AP3B1: variants seen among roughly 807,000 people sequenced by gnomAD.
AP3B1 encodes the protein adaptor related protein complex 3 subunit beta 1, also known as AP-3 complex subunit beta-1.
In AP3B1, 61 loss-of-function variants were observed where a neutral mutation model predicts 132.5. The ratio of observed to expected loss-of-function variants is 0.46; its 90% confidence interval spans 0.37 to 0.57. The LOEUF (loss-of-function observed/expected upper bound fraction) is 0.57. Among genes scored for constraint, AP3B1 ranks in the 20% least tolerant of loss-of-function variants. The pLI is 0.00. For missense variants in AP3B1, 1,120 were observed against 1,289.4 expected, an observed-to-expected ratio of 0.87 and a Z score of 2.01; for synonymous variants, 388 against 438.3, an observed-to-expected ratio of 0.89 and a Z score of 1.43.
intron 14 of AP3B1, among the ~76,000 whole-genome samples, chr5:78,142,383 T>C (rs1196473534): frequency 6.6e-6 from 1 of 152,206 alleles, no homozygotes; most frequent in Non-Finnish European, 1.5e-5. Flanking sequence ...AGAAAATTTG[T>C]TTTTTATAAT....
intron 2 of AP3B1, among the ~76,000 whole-genome samples, chr5:78,243,005 T>C (rs1331126983): frequency 6.6e-6 from 1 of 152,236 alleles, no homozygotes; most frequent in Non-Finnish European, 1.5e-5. Flanking sequence ...TATGTGATAC[T>C]TGAAGCATTA....
At chr5:78,112,267 C>T (rs1299121614) in intron 19 of AP3B1, among the ~76,000 whole-genome samples, 1 of 152,004 alleles carries the variant, frequency 6.6e-6, no homozygotes, top group Non-Finnish European at 1.5e-5. Context: ...CATCTCAGAG[C>T]ACATGTAATT....
At chr5:78,249,292 G>T (rs1031587752) in intron 2 of AP3B1, among the ~76,000 whole-genome samples, 1 of 152,172 alleles carries the variant, frequency 6.6e-6, no homozygotes, top group Non-Finnish European at 1.5e-5. Flanking sequence ...TTGAACCCCA[G>T]GGGCAGAGGT....
intron 23 of AP3B1, among the ~76,000 whole-genome samples, chr5:78,038,124 C>CTCAT (rs1230356486): frequency 3.9e-5 from 6 of 152,182 alleles, no homozygotes; most frequent in African/African-American, 1.4e-4. Flanking sequence ...CAGCAACCCA[C>CTCAT]TCATTGGTTG....
chr5:78,145,112 A>C (rs1434457609), intron 14 of AP3B1, among the ~76,000 whole-genome samples: 2 of 152,252 alleles, frequency 1.3e-5, no homozygotes, highest in Non-Finnish European at 2.9e-5. Context: ...TGTATTACAG[A>C]CATAAATCTA....
chr5:78,081,745 T>C (rs894354416), intron 22 of AP3B1, among the ~76,000 whole-genome samples: 7 of 152,202 alleles, frequency 4.6e-5, no homozygotes, highest in Non-Finnish European at 1.0e-4. Flanking sequence ...AATATAACTA[T>C]CTGTAGTTTT....
intron 26 of AP3B1, among the ~76,000 whole-genome samples, chr5:78,013,956 G>C (rs980394487): frequency 1.3e-5 from 2 of 152,190 alleles, no homozygotes; most frequent in African/African-American, 4.8e-5. Flanking sequence ...GAGGTCAGGA[G>C]ATCGAGACCA....
chr5:78,225,631 A>G, intron 5 of AP3B1, 23 bp from the exon 6 acceptor site: 1 of 1,442,918 alleles, frequency 6.9e-7, no homozygotes, highest in South Asian at 1.2e-5. Flanking sequence ...AAAATAACAT[A>G]TTAATTTTTC....
At position 78,029,916 on chromosome 5, in the gene AP3B1, C is replaced by T. The variant is rs187762745; in HGVS notation, c.2894+4445G>A. Among the ~76,000 whole-genome samples, 527 of 152,204 alleles carry T rather than the reference C, an allele frequency of 3.5e-3. 1 individual carries two copies. The highest frequency in any genetic ancestry group is 0.012 in the African/African-American group (505 of 41,526). On this transcript the variant is annotated intron_variant, in intron 24 of 26. Coordinates refer to ENST00000255194, the MANE Select transcript of AP3B1 (RefSeq NM_003664.5). ...TTTAATAATTTAAACAATATTTAAA[C>T]TAATTTTTGCCATCGATCAATTCTC...
At chr5:78,075,362 A>G (rs1405608022) in intron 22 of AP3B1, among the ~76,000 whole-genome samples, 1 of 152,196 alleles carries the variant, frequency 6.6e-6, no homozygotes, top group Non-Finnish European at 1.5e-5. Context: ...TTCTTCATGA[A>G]TTATGGTTTG....
intron 21 of AP3B1, among the ~76,000 whole-genome samples, chr5:78,097,333 T>TG (rs1209364506): frequency 9.5e-5 from 9 of 94,572 alleles, no homozygotes; most frequent in East Asian, 3.6e-4. Context: ...GGGAGGGAGG[T>TG]GGGGGGGTCA....
chr5:78,008,383 C>T (rs1746483406), intron 26 of AP3B1, among the ~76,000 whole-genome samples: 1 of 152,156 alleles, frequency 6.6e-6, no homozygotes, highest in South Asian at 2.1e-4. Context: ...TTAAATAAAA[C>T]TTAAATAGAG....
At chr5:78,044,821 TATTATA>T (rs1366584989) in intron 22 of AP3B1, among the ~76,000 whole-genome samples, 1 of 152,214 alleles carries the variant, frequency 6.6e-6, no homozygotes, top group African/African-American at 2.4e-5. Context: ...TCTACAGCTT[TATTATA>T]ATTATCAAAA....
At chr5:78,049,969 C>T (rs1166126033) in intron 22 of AP3B1, among the ~76,000 whole-genome samples, 1 of 152,160 alleles carries the variant, frequency 6.6e-6, no homozygotes, top group South Asian at 2.1e-4. Context: ...TGCTCAAAAC[C>T]CGCCAATGGC....
chr5:78,160,660 G>T (rs1043491034), intron 13 of AP3B1, among the ~76,000 whole-genome samples: 4 of 151,990 alleles, frequency 2.6e-5, no homozygotes, highest in Non-Finnish European at 5.9e-5. Context: ...GATTCCTAGA[G>T]CCTTAAAAGA....
rs1427151346 is a variant in AP3B1 at position 78,089,275 on chromosome 5, G to A, written c.2577+118C>T. On this transcript the variant is annotated intron_variant, in intron 22 of 26. Coordinates refer to ENST00000255194, the MANE Select transcript of AP3B1 (RefSeq NM_003664.5). ...AAAAGGTCTTAGCTAAATTGGGCTT[G>A]TTCTTAGAGAAGAATCTGTTCAAAA... is the stretch of plus-strand genomic sequence containing the variant. 10 of 781,368 alleles carry A rather than the reference G, an allele frequency of 1.3e-5. No individual in the cohort carries two copies. The Admixed American group carries it at 2.3e-4, about 18-fold the overall frequency. The allele number at this position is 781,368 out of a possible 1,614,324, so 48.4% of individuals were successfully genotyped here.
At chr5:78,002,325 A>C (rs1746221426), downstream of AP3B1, 3 of 322,028 alleles carry the variant, frequency 9.3e-6, no homozygotes, top group Non-Finnish European at 1.7e-5. Flanking sequence ...GCAAAGACAA[A>C]TATGATTCAT....
chr5:78,131,572 C>T (rs1179781688), intron 15 of AP3B1, among the ~76,000 whole-genome samples: 2 of 152,002 alleles, frequency 1.3e-5, no homozygotes, highest in African/African-American at 4.8e-5. Context: ...TTTTATTTAT[C>T]CTTTTAAAAA....
chr5:78,264,533 T>C (rs946911495), intron 2 of AP3B1, among the ~76,000 whole-genome samples: 1 of 152,158 alleles, frequency 6.6e-6, no homozygotes, highest in African/African-American at 2.4e-5. Context: ...ACATCACCAG[T>C]AAAACCTCAG....
Sources: gnomAD v4.1 joint callset for allele counts (sites outside exome capture counted in the v4.1 genomes callset) on GRCh38, gnomAD v4.1.1 for gene constraint, MANE v1.5 for transcripts, NCBI Gene and HGNC (gene_info 2026-07-23, HGNC 2026-07-21) for gene names.